ABCC1: variants seen among roughly 807,000 people sequenced by gnomAD.
The protein encoded by ABCC1 is ATP binding cassette subfamily C member 1 (ABCC1 blood group).
A neutral mutation model predicts 172.9 loss-of-function variants in ABCC1; 83 were observed. The observed-to-expected ratio is 0.48, with a 90% CI of 0.40 to 0.58. ABCC1 has a LOEUF of 0.58. ABCC1 is among the 20% of genes least tolerant of loss of function. ABCC1 has a pLI of 0.00. For missense variants in ABCC1, 1,817 were observed against 2,002.7 expected (o/e 0.91, Z 1.77); for synonymous variants, 937 against 825.2 (o/e 1.14, Z -2.32).
intron 1 of ABCC1, among the ~76,000 whole-genome samples, chr16:15,966,824 A>C (rs1235407772): frequency 6.7e-6 from 1 of 148,596 alleles, no homozygotes. Flanking sequence ...CTAATTTTTA[A>C]TTTTTTTTAG....
rs1489432006 is a variant in ABCC1, at chr16:16,026,022, CT to C, written c.616-7086del. ...TGGTTTGGGTTAAATGACATGCTCC[CT>C]GGATTACAATCCAGTGCCCCATGAT... On this transcript the variant is annotated intron_variant, in intron 5 of 30. Transcript: ENST00000399410. Among the ~76,000 whole-genome samples the C allele has an allele frequency of 5.3e-5, 8 of 152,272 alleles. No homozygotes were observed. In the East Asian group the frequency reaches 1.4e-3, roughly 26 times the overall value.
chr16:16,095,344 A>G (rs1442049475), intron 19 of ABCC1: 1 of 152,234 alleles, frequency 6.6e-6, no homozygotes. Context: ...CCTAATACCT[A>G]GAGCAGTGGT....
intron 16 of ABCC1, among the ~76,000 whole-genome samples, chr16:16,081,194 G>T (rs995556217): frequency 6.6e-6 from 1 of 152,148 alleles, no homozygotes; most frequent in Admixed American, 6.6e-5. Flanking sequence ...TTTTATTTCA[G>T]AGCAAAACCC....
At chr16:15,949,484 C>T (rs941125985), upstream of ABCC1, 3 of 140,884 alleles carry the variant, frequency 2.1e-5, no homozygotes, top group East Asian at 2.4e-4. Flanking sequence ...GGTGGCTGGT[C>T]CGGCTGCCCA....
In ABCC1 at chr16:16,007,934, A is replaced by C. The variant is rs565023011; in HGVS notation, c.167A>C (p.Tyr56Ser). 3 of 1,604,814 alleles carry C rather than the reference A, an allele frequency of 1.9e-6. No homozygotes were observed. Among genetic ancestry groups the C allele is most frequent in the South Asian group, 1.1e-5 (1 of 90,460 alleles). Reference sequence around the variant, plus strand: ...GCCTGTTTCCCCTTCTACTTCCTCTATCTCTCCCGACATGACCGAGGCTAC... The same window carrying C: ...GCCTGTTTCCCCTTCTACTTCCTCTCTCTCTCCCGACATGACCGAGGCTAC... ...LWACFPFYFL[Y>S]LSRHDRGYIQ... The change falls in exon 2 of 31, where the codon TAT (tyrosine) becomes TCT (serine). Residue 56 changes from tyrosine to serine, a missense_variant. This residue lies in a region of ABCC1 where 398 missense variants were observed against 384.2 expected (regional missense o/e 1.04). Coordinates refer to ENST00000399410, the MANE Select transcript of ABCC1 (RefSeq NM_004996.4).
At chr16:16,002,772 A>C (rs1341303164) in intron 1 of ABCC1, among the ~76,000 whole-genome samples, 2 of 16,518 alleles carry the variant, frequency 1.2e-4, no homozygotes, top group Non-Finnish European at 6.8e-4. Flanking sequence ...ACCTTGTCTC[A>C]AAAAAAAAAA....
chr16:15,955,437 C>T (rs2045972304), intron 1 of ABCC1, among the ~76,000 whole-genome samples: 1 of 152,102 alleles, frequency 6.6e-6, no homozygotes, highest in Non-Finnish European at 1.5e-5. Flanking sequence ...GCCCAGCTGT[C>T]CCTCTTCTAC....
chr16:16,056,353 T>A, intron 12 of ABCC1, 58 bp downstream of exon 12: 4 of 1,576,344 alleles, frequency 2.5e-6, no homozygotes, highest in Non-Finnish European at 3.5e-6. Flanking sequence ...TTTCTCTGCG[T>A]ACCTGAATAT....
intron 20 of ABCC1, among the ~76,000 whole-genome samples, chr16:16,103,907 AC>A (rs1452277108): frequency 2.0e-5 from 3 of 152,070 alleles, no homozygotes; most frequent in Non-Finnish European, 4.4e-5. Context: ...TAAAGGTGGC[AC>A]GTCTGGGGTT....
rs1265773160 is a variant in ABCC1 at position 16,046,165 on chromosome 16, C to A, written c.1218+152C>A. 3.7e-6 allele frequency: 3 copies of A among 816,920 alleles called. No homozygotes were observed. The African/African-American group carries it at 5.2e-5, about 14-fold the overall frequency. The allele number at this position is 816,920 out of a possible 1,614,324, so 50.6% of individuals were successfully genotyped here. ...CCGTGACCTTAGGTGGCAGGGACAG[C>A]ACGCATCAGGCATTGTACGTTAGGA... On this transcript the variant is annotated intron_variant, in intron 9 of 30. Transcript: ENST00000399410.
chr16:16,085,167 C>G (rs1351299048), intron 17 of ABCC1, among the ~76,000 whole-genome samples: 1 of 152,190 alleles, frequency 6.6e-6, no homozygotes, highest in Non-Finnish European at 1.5e-5. Context: ...TTCTCTGCCT[C>G]TCACCACTGC....
chr16:16,132,725 TTGGCCAGGG>T (rs2045753041), intron 27 of ABCC1, among the ~76,000 whole-genome samples: 1 of 151,434 alleles, frequency 6.6e-6, no homozygotes, highest in South Asian at 2.1e-4. Context: ...TTTTGCCATG[TTGGCCAGGG>T]TGGTCTTGAA....
intron 1 of ABCC1, among the ~76,000 whole-genome samples, chr16:15,985,654 G>A (rs536721934): frequency 1.7e-4 from 26 of 151,478 alleles, no homozygotes; most frequent in Non-Finnish European, 2.9e-4. Context: ...CATGTTGGTC[G>A]GGCTGGTCTC....
intron 17 of ABCC1, among the ~76,000 whole-genome samples, 197 bp from the exon 18 acceptor site, chr16:16,086,622 TTTTTC>T (rs150321278): frequency 0.25 from 37,176 of 151,532 alleles, 6,097 homozygotes; most frequent in African/African-American, 0.47. Context: ...CTTGGCTAAT[TTTTTC>T]TTTTCTTTTC....
chr16:16,127,918 T>C (rs1326824590), intron 26 of ABCC1, among the ~76,000 whole-genome samples: 2 of 109,846 alleles, frequency 1.8e-5, no homozygotes, highest in Admixed American at 8.6e-5. Context: ...TTCATTAGGT[T>C]TTTTTTTTTT....
intron 20 of ABCC1, among the ~76,000 whole-genome samples, chr16:16,104,715 AG>A (rs1226812535): frequency 6.6e-6 from 1 of 152,148 alleles, no homozygotes; most frequent in Non-Finnish European, 1.5e-5. Context: ...GCCATGGAGC[AG>A]GGGCGGCACT....
chr16:16,029,353 G>C (rs959150299), intron 5 of ABCC1, among the ~76,000 whole-genome samples: 1 of 152,092 alleles, frequency 6.6e-6, no homozygotes. Context: ...CTCTTGAGTA[G>C]CTGGGACTAC....
chr16:15,969,154 A>G (rs2046313434), intron 1 of ABCC1, among the ~76,000 whole-genome samples: 1 of 152,170 alleles, frequency 6.6e-6, no homozygotes, highest in East Asian at 1.9e-4. Flanking sequence ...TAGAGAGCCA[A>G]GATGATGGCA....
Position 16,079,464 on chromosome 16 carries a change from C to T in ABCC1, c.2101C>T (p.His701Tyr), listed in dbSNP as rs375076305. The change falls in exon 16 of 31, where the codon CAC (histidine) becomes TAC (tyrosine). Residue 701 changes from histidine to tyrosine, a missense_variant. Physicochemically the swap from His to Tyr is moderately conservative, Grantham distance 83 (BLOSUM62 2). This residue lies in a region of ABCC1 where 1,412 missense variants were observed against 1,600.3 expected (regional missense o/e 0.88). Transcript: ENST00000399410. ...LLAEMDKVEG[H>Y]VAIKGSVAYV... The stretch of plus-strand genomic sequence containing the variant: ...GGCTGAGATGGACAAAGTGGAGGGG[C>T]ACGTGGCTATCAAGGTAGGATGAGG... 3.7e-6 allele frequency: 6 copies of T among 1,612,598 alleles called. No homozygotes were observed. Among genetic ancestry groups the T allele is most frequent in the African/African-American group, 1.3e-5 (1 of 74,906 alleles).
Sources: allele counts gnomAD v4.1 joint callset (sites outside exome capture counted in the v4.1 genomes callset), GRCh38; gene constraint gnomAD v4.1.1; regional missense constraint gnomAD v4.1.1; transcripts MANE v1.5; gene names NCBI Gene and HGNC (gene_info 2026-07-23, HGNC 2026-07-21).